The following CNTN4 variants were observed in gnomAD, a reference collection of about 807,000 sequenced individuals.
CNTN4 encodes contactin 4, also known as contactin-4.
A neutral mutation model predicts 122.5 loss-of-function variants in CNTN4; 77 were observed. The observed-to-expected ratio is 0.63, with a 90% confidence interval of 0.52 to 0.76. The LOEUF (loss-of-function observed/expected upper bound fraction) is 0.76, where lower values mean the gene tolerates loss of function less well. CNTN4 is among the 30% of genes least tolerant of loss of function. The pLI is 0.00. For missense variants in CNTN4, 1,256 were observed against 1,259.1 expected (o/e 1.00, Z 0.04); for synonymous variants, 512 against 447.0 (o/e 1.15, Z -1.83).
chr3:2,129,427 C>CTTTTTTTTTTTTTTTTTTGAGACGGA (rs1488150928), intron 2 of CNTN4, among the ~76,000 whole-genome samples: 1 of 150,876 alleles, frequency 6.6e-6, no homozygotes, highest in East Asian at 2.0e-4. Flanking sequence ...AAGTTGTTTT[C>CTTTTTTTTTTTTTTTTTTGAGACGGA]GATATGCTAT....
At chr3:2,472,777 A>C (rs1020062240) in intron 3 of CNTN4, among the ~76,000 whole-genome samples, 11 of 152,238 alleles carry the variant, frequency 7.2e-5, no homozygotes, top group Admixed American at 3.3e-4. Context: ...TCTAATTCCA[A>C]CATAAGGAAG....
At chr3:2,464,920 T>C (rs867185848) in intron 3 of CNTN4, among the ~76,000 whole-genome samples, 1 of 152,192 alleles carries the variant, frequency 6.6e-6, no homozygotes, top group Admixed American at 6.5e-5. Flanking sequence ...GGCTCTTAAT[T>C]TGGATTCTGG....
At chr3:3,039,840 T>A (rs1699978272) in intron 19 of CNTN4, 197 bp from the exon 20 acceptor site, 2 of 591,188 alleles carry the variant, frequency 3.4e-6, no homozygotes, top group Non-Finnish European at 3.1e-6. Context: ...TCATTACGTT[T>A]TCAACCCTGT....
chr3:2,991,138 G>A (rs1695017125), intron 14 of CNTN4, among the ~76,000 whole-genome samples: 1 of 152,162 alleles, frequency 6.6e-6, no homozygotes, highest in Non-Finnish European at 1.5e-5. Flanking sequence ...TATAGATGCA[G>A]AATTAGTATG....
chr3:2,606,340 A>G (rs2081259845), intron 4 of CNTN4, among the ~76,000 whole-genome samples: 1 of 152,098 alleles, frequency 6.6e-6, no homozygotes, highest in Non-Finnish European at 1.5e-5. Flanking sequence ...GTGGTAGGGC[A>G]GGGGTCGAGG....
chr3:2,415,123 A>G (rs1329835319), intron 3 of CNTN4, among the ~76,000 whole-genome samples: 1 of 152,220 alleles, frequency 6.6e-6, no homozygotes, highest in Admixed American at 6.5e-5. Flanking sequence ...CTGACTTCTC[A>G]GTTGCCTTAA....
At chr3:2,640,292 A>C (rs141567408) in intron 4 of CNTN4, among the ~76,000 whole-genome samples, 1 of 152,368 alleles carries the variant, frequency 6.6e-6, no homozygotes, top group Admixed American at 6.5e-5. Context: ...CAACAGATCA[A>C]AAACTGTACT....
intron 2 of CNTN4, among the ~76,000 whole-genome samples, chr3:2,326,429 G>T (rs1276348573): frequency 1.3e-5 from 2 of 151,404 alleles, no homozygotes. Context: ...TCACCCTGCA[G>T]ATTTTGGGAC....
chr3:3,044,537 T>C (rs1700447294), intron 23 of CNTN4, among the ~76,000 whole-genome samples: 1 of 152,176 alleles, frequency 6.6e-6, no homozygotes, highest in African/African-American at 2.4e-5. Flanking sequence ...TATGGTGACC[T>C]CAGAGTAGTC....
intron 2 of CNTN4, among the ~76,000 whole-genome samples, chr3:2,298,521 G>A (rs538384508): frequency 1.8e-4 from 28 of 151,858 alleles, no homozygotes; most frequent in African/African-American, 6.5e-4. Context: ...TCTGTCCCCC[G>A]ACTCTTGCCT....
At chr3:2,161,901 CTT>C (rs896725142) in intron 2 of CNTN4, among the ~76,000 whole-genome samples, 2 of 152,138 alleles carry the variant, frequency 1.3e-5, no homozygotes, top group African/African-American at 4.8e-5. Context: ...CAATTAATCT[CTT>C]TTAAAAGAAG....
At chr3:2,668,804 G>T (rs534863083) in intron 4 of CNTN4, among the ~76,000 whole-genome samples, 195 of 152,022 alleles carry the variant, frequency 1.3e-3, no homozygotes, top group South Asian at 6.6e-3. Flanking sequence ...TAGCATGAAG[G>T]GCTGTTGAAT....
chr3:2,337,622 TC>T (rs1444590660), intron 2 of CNTN4, among the ~76,000 whole-genome samples: 1 of 152,018 alleles, frequency 6.6e-6, no homozygotes, highest in African/African-American at 2.4e-5. Flanking sequence ...CAATATCCCA[TC>T]CCAAGAAATT....
chr3:2,310,370 A>T (rs2042870662), intron 2 of CNTN4, among the ~76,000 whole-genome samples: 1 of 152,160 alleles, frequency 6.6e-6, no homozygotes, highest in Admixed American at 6.5e-5. Context: ...TCTGCATGAG[A>T]AATTTTTCTC....
At chr3:2,900,071 ACAGT>A (rs1355493961) in intron 10 of CNTN4, among the ~76,000 whole-genome samples, 1 of 152,226 alleles carries the variant, frequency 6.6e-6, no homozygotes, top group African/African-American at 2.4e-5. Flanking sequence ...TTTGCTCCAC[ACAGT>A]CATTCATGGT....
At chr3:2,372,995 C>T (rs923853744) in intron 3 of CNTN4, among the ~76,000 whole-genome samples, 1 of 152,120 alleles carries the variant, frequency 6.6e-6, no homozygotes, top group East Asian at 1.9e-4. Flanking sequence ...TGCAATGAGC[C>T]AAGATCTCAC....
At chr3:2,530,856 T>C (rs1035430010) in intron 3 of CNTN4, among the ~76,000 whole-genome samples, 1 of 152,190 alleles carries the variant, frequency 6.6e-6, no homozygotes, top group Admixed American at 6.5e-5. Flanking sequence ...AATTTGGAAA[T>C]AATTCTCTTT....
intron 3 of CNTN4, among the ~76,000 whole-genome samples, chr3:2,407,218 G>C (rs1049973891): frequency 4.6e-5 from 7 of 152,114 alleles, no homozygotes; most frequent in Admixed American, 3.9e-4. Context: ...TGCATCTGGA[G>C]AGAAGGTTCA....
At chr3:2,664,286 A>G (rs1354681172) in intron 4 of CNTN4, among the ~76,000 whole-genome samples, 3 of 150,560 alleles carry the variant, frequency 2.0e-5, no homozygotes, top group African/African-American at 7.3e-5. Flanking sequence ...GCAAAATTCA[A>G]TGGCTTCTAA....
Sources: allele counts gnomAD v4.1 joint callset (sites outside exome capture counted in the v4.1 genomes callset), GRCh38; gene constraint gnomAD v4.1.1; transcripts MANE v1.5; gene names NCBI Gene and HGNC (gene_info 2026-07-23, HGNC 2026-07-21).